The following MCM5 variants were observed in gnomAD, a reference collection of about 807,000 sequenced individuals.
MCM5 encodes the protein minichromosome maintenance complex component 5.
Under a neutral mutation model 79.9 loss-of-function variants are expected in MCM5, and 46 were observed. The ratio of observed to expected loss-of-function variants is 0.58; its 90% CI spans 0.45 to 0.74. The LOEUF (loss-of-function observed/expected upper bound fraction) is 0.74, where lower values mean the gene tolerates loss of function less well. Ranked by LOEUF, MCM5 falls within the 30% of genes least tolerant of loss-of-function variation. The probability of loss-of-function intolerance (pLI) is 0.00; values close to 1 mark genes in which losing one functional copy is unlikely to be tolerated. For synonymous variants in MCM5, 404 were observed against 390.5 expected (o/e 1.03, Z -0.41); for missense variants, 883 against 1,017.0 (o/e 0.87, Z 1.79).
In MCM5 at chr22:35,417,799, C is replaced by G. The variant is rs1932587171; in HGVS notation, c.1646C>G (p.Ala549Gly). The stretch of plus-strand genomic sequence containing the variant: ...GTGAGCGCACTGACACAGACACAGG[C>G]TGTGGAGGGCGAGATTGACCTGGCC... ...LHVSALTQTQ[A>G]VEGEIDLAKL... Residue 549 changes from alanine to glycine, a missense_variant, in exon 13 of 17, where the codon GCT becomes GGT. Ala to Gly is a moderately conservative substitution (Grantham distance 60). Around this residue, in one of 3 missense-constraint regions of MCM5, gnomAD observed 426 missense variants for 482.3 expected, o/e 0.88. Coordinates refer to ENST00000216122, the MANE Select transcript of MCM5 (RefSeq NM_006739.4). 6.2e-7 allele frequency: 1 copy of G among 1,614,078 alleles called. No homozygotes were observed. The highest frequency in any genetic ancestry group is 1.3e-5 in the African/African-American group (1 of 74,932).
chr22:35,415,736 T>C (rs1199859020), intron 9 of MCM5, 93 bp from the exon 10 acceptor site: 3 of 1,437,104 alleles, frequency 2.1e-6, no homozygotes, highest in African/African-American at 1.4e-5. Flanking sequence ...ATGTGTGACC[T>C]TGGGCAAATC....
At chr22:35,454,275 C>T in the MCM5 span, among the ~76,000 whole-genome samples, 2 of 152,118 alleles carry the variant, frequency 1.3e-5, no homozygotes, top group Non-Finnish European at 2.9e-5. Flanking sequence ...ACAGGGTCCT[C>T]CTGGAGCTCC....
At chr22:35,445,488 C>A in the MCM5 span, among the ~76,000 whole-genome samples, 1 of 149,410 alleles carries the variant, frequency 6.7e-6, no homozygotes, top group South Asian at 2.1e-4. Flanking sequence ...ACCACCACAC[C>A]CAGCTAATTT....
the MCM5 span, among the ~76,000 whole-genome samples, chr22:35,433,225 TG>T: frequency 6.6e-6 from 1 of 152,206 alleles, no homozygotes; most frequent in African/African-American, 2.4e-5. Context: ...TATGAGCCAC[TG>T]GGCCTGGCCC....
the MCM5 span, among the ~76,000 whole-genome samples, chr22:35,436,161 T>G: frequency 2.7e-5 from 2 of 73,156 alleles, no homozygotes; most frequent in Admixed American, 1.5e-4. Context: ...CAAAACTCAG[T>G]CTCAAAAAAA....
chr22:35,432,296 A>C, the MCM5 span, among the ~76,000 whole-genome samples: 1 of 152,200 alleles, frequency 6.6e-6, no homozygotes, highest in Admixed American at 6.5e-5. Context: ...TGATATTTCA[A>C]GAGATGGGAC....
chr22:35,418,261 A>G (rs566917445), intron 13 of MCM5, among the ~76,000 whole-genome samples: 30 of 152,334 alleles, frequency 2.0e-4, no homozygotes, highest in Admixed American at 6.5e-4. Context: ...TAAGGATTGC[A>G]CAAGATGATG....
intron 9 of MCM5, 67 bp from the exon 10 acceptor site, chr22:35,415,762 C>T (rs1226867213): frequency 6.4e-7 from 1 of 1,562,080 alleles, no homozygotes; most frequent in Non-Finnish European, 8.7e-7. Context: ...CTCAGTGGGT[C>T]TTTTTGTCTT....
the MCM5 span, among the ~76,000 whole-genome samples, chr22:35,451,565 C>A: frequency 6.6e-6 from 1 of 152,236 alleles, no homozygotes; most frequent in Non-Finnish European, 1.5e-5. Context: ...CCAGGTCGAC[C>A]AGGTGACTCG....
At position 35,421,378 on chromosome 22, in the gene MCM5, C is replaced by T. The variant is rs545458717; in HGVS notation, c.1893C>T (p.Phe631=). 93 of 1,614,138 alleles carry T rather than the reference C, an allele frequency of 5.8e-5. No individual in the cohort carries two copies. In the East Asian group the frequency reaches 1.0e-3, roughly 18 times the overall value. The change falls in exon 15 of 17, where the codon TTC becomes TTT. Residue 631 remains phenylalanine, a synonymous_variant. Coordinates refer to ENST00000216122, the MANE Select transcript of MCM5 (RefSeq NM_006739.4). The stretch of plus-strand genomic sequence containing the variant: ...TCAGCAAGATGAAGCTGCAGCCCTT[C>T]GCCACAGAGGCAGATGTGGAGGAGG... The part of the protein sequence containing the change: ...EALSKMKLQP[F]ATEADVEEAL...
the MCM5 span, among the ~76,000 whole-genome samples, chr22:35,453,407 CAG>C: frequency 6.9e-6 from 1 of 145,020 alleles, no homozygotes; most frequent in Admixed American, 6.8e-5. Flanking sequence ...GAGACACTGA[CAG>C]AGTGATTCAG....
intron 6 of MCM5, among the ~76,000 whole-genome samples, 173 bp downstream of exon 6, chr22:35,408,736 G>A (rs1471161816): frequency 4.6e-5 from 7 of 152,204 alleles, no homozygotes; most frequent in East Asian, 1.9e-4. Flanking sequence ...CTCTCATCTC[G>A]TCTTTCCATA....
the MCM5 span, among the ~76,000 whole-genome samples, chr22:35,448,249 G>A: frequency 6.6e-6 from 1 of 152,198 alleles, no homozygotes; most frequent in African/African-American, 2.4e-5. Flanking sequence ...CGAACGAAGA[G>A]AGCTATGTGG....
the MCM5 span, among the ~76,000 whole-genome samples, chr22:35,434,237 A>G: frequency 6.6e-6 from 1 of 152,078 alleles, no homozygotes; most frequent in Non-Finnish European, 1.5e-5. Flanking sequence ...CTGGATGCTC[A>G]GACACTTAGT....
At chr22:35,411,792 C>T (rs142861721) in intron 7 of MCM5, among the ~76,000 whole-genome samples, 2 of 152,306 alleles carry the variant, frequency 1.3e-5, no homozygotes, top group African/African-American at 4.8e-5. Flanking sequence ...GCCTGGGCTT[C>T]TCCCCACGTT....
At chr22:35,450,345 G>A in the MCM5 span, among the ~76,000 whole-genome samples, 1 of 151,868 alleles carries the variant, frequency 6.6e-6, no homozygotes, top group African/African-American at 2.4e-5. Flanking sequence ...CGGGACTGCT[G>A]GCATTAAATG....
the MCM5 span, among the ~76,000 whole-genome samples, chr22:35,438,753 A>G: frequency 6.7e-6 from 1 of 150,118 alleles, no homozygotes; most frequent in South Asian, 2.1e-4. Context: ...CCATTCACCC[A>G]TCCATTCATC....
the MCM5 span, among the ~76,000 whole-genome samples, chr22:35,441,463 T>G: frequency 6.6e-6 from 1 of 152,196 alleles, no homozygotes; most frequent in African/African-American, 2.4e-5. Context: ...CTGAGTACTC[T>G]TCTATGTCAG....
intron 2 of MCM5, among the ~76,000 whole-genome samples, chr22:35,402,989 G>T (rs1195735570): frequency 6.6e-6 from 1 of 152,226 alleles, no homozygotes; most frequent in Non-Finnish European, 1.5e-5. Flanking sequence ...CCCCTTCCAT[G>T]GAGCTTTCTT....
Sources: gnomAD v4.1 joint callset for allele counts (sites outside exome capture counted in the v4.1 genomes callset) on GRCh38, gnomAD v4.1.1 for gene constraint, gnomAD v4.1.1 regional missense constraint, MANE v1.5 for transcripts, NCBI Gene and HGNC (gene_info 2026-07-23, HGNC 2026-07-21) for gene names.